Variants in RASSF5 observed in about 807,000 individuals in gnomAD.
RASSF5 encodes the protein ras association domain-containing protein 5.
Under a neutral mutation model 40.5 loss-of-function variants are expected in RASSF5, and 25 were observed. The observed-to-expected ratio is 0.62, with a 90% CI of 0.45 to 0.86. The LOEUF is 0.86. Ranked by LOEUF, RASSF5 falls within the 40% of genes least tolerant of loss-of-function variation. The pLI, the probability that RASSF5 is intolerant of heterozygous loss-of-function variation, is 0.00. For synonymous variants in RASSF5, 246 were observed against 252.4 expected (o/e 0.97, Z 0.24); for missense variants, 521 against 572.8 (o/e 0.91, Z 0.92).
rs1377298256 is a variant in RASSF5 at position 206,585,435 on chromosome 1, TG to T, written c.1104+143del. ...TGACTGTTGAGAGAGTGAGCAGGGG[TG>T]GGTGATGGGCCTGGGGGTCAGTGTT... On this transcript the variant is annotated intron_variant, in intron 5 of 5. Coordinates refer to ENST00000579436, the MANE Select transcript of RASSF5 (RefSeq NM_182663.4). 5 of 668,856 alleles carry T rather than the reference TG, an allele frequency of 7.5e-6. No individual in the cohort carries two copies. The Admixed American group carries it at 1.1e-4, about 15-fold the overall frequency. The allele number at this position is 668,856 out of a possible 1,614,324, so 41.4% of individuals were successfully genotyped here.
intron 1 of RASSF5, among the ~76,000 whole-genome samples, chr1:206,536,500 G>A (rs1343939638): frequency 2.0e-5 from 3 of 152,034 alleles, no homozygotes; most frequent in Non-Finnish European, 2.9e-5. Context: ...CAAGAAACAT[G>A]GTCCAGGTGC....
chr1:206,558,630 C>G (rs1668060913), intron 2 of RASSF5, among the ~76,000 whole-genome samples: 1 of 152,156 alleles, frequency 6.6e-6, no homozygotes, highest in African/African-American at 2.4e-5. Context: ...CTGAGGCCTC[C>G]TTTGTTAATA....
At chr1:206,551,346 G>A (rs1029562994) in intron 2 of RASSF5, among the ~76,000 whole-genome samples, 7 of 152,198 alleles carry the variant, frequency 4.6e-5, no homozygotes, top group Admixed American at 2.6e-4. Context: ...TCTGCCAAGA[G>A]AAGGAGCCAG....
intron 3 of RASSF5, 138 bp downstream of exon 3, chr1:206,583,517 G>T: frequency 1.5e-6 from 1 of 648,530 alleles, no homozygotes. Flanking sequence ...AGGCCTCCGG[G>T]GTCTGGAAGG....
At chr1:206,523,705 ATATATTATACAATATATT>A (rs1373429759) in intron 1 of RASSF5, among the ~76,000 whole-genome samples, 2 of 73,014 alleles carry the variant, frequency 2.7e-5, no homozygotes, top group Admixed American at 2.4e-4. Flanking sequence ...TAATATATTT[ATATATTATACAATATATT>A]TATATATTAT....
At chr1:206,523,763 T>C (rs1185751138) in intron 1 of RASSF5, among the ~76,000 whole-genome samples, 1 of 101,374 alleles carries the variant, frequency 9.9e-6, no homozygotes, top group Non-Finnish European at 1.8e-5. Context: ...ATATACATAA[T>C]ATATTTTATA....
chr1:206,521,003 A>C (rs1233741087), intron 1 of RASSF5, among the ~76,000 whole-genome samples: 1 of 152,178 alleles, frequency 6.6e-6, no homozygotes, highest in Non-Finnish European at 1.5e-5. Flanking sequence ...CCCAGGTAAA[A>C]GTAGAGGAGA....
chr1:206,517,369 C>T (rs1666777525), intron 1 of RASSF5, among the ~76,000 whole-genome samples: 1 of 151,964 alleles, frequency 6.6e-6, no homozygotes, highest in Non-Finnish European at 1.5e-5. Flanking sequence ...CAGCTACATG[C>T]TGGGGGGTGG....
chr1:206,585,332 GGCACCCTGGGTGGGT>G (rs782128324), intron 5 of RASSF5, 37 bp downstream of exon 5: 9 of 1,521,784 alleles, frequency 5.9e-6, no homozygotes, highest in South Asian at 1.1e-5. Context: ...CAGGCCTTAG[GGCACCCTGGGTGGGT>G]GCAGGTGGGT....
chr1:206,521,168 G>T (rs950243861), intron 1 of RASSF5, among the ~76,000 whole-genome samples: 1 of 152,170 alleles, frequency 6.6e-6, no homozygotes, highest in East Asian at 1.9e-4. Flanking sequence ...ATTTTAAAAG[G>T]CTGCTAGGGG....
At position 206,507,548 on chromosome 1, in the gene RASSF5, G is replaced by A. The variant is rs1164574522; in HGVS notation, c.-55G>A. 1.5e-6 allele frequency: 2 copies of A among 1,358,612 alleles called. No homozygotes were observed. Among genetic ancestry groups the A allele is most frequent in the Non-Finnish European group, 1.9e-6 (2 of 1,038,112 alleles). The allele number at this position is 1,358,612 out of a possible 1,614,324, so 84.2% of individuals were successfully genotyped here. On this transcript the variant is annotated 5_prime_UTR_variant, in exon 1 of 6. Coordinates refer to ENST00000579436, the MANE Select transcript of RASSF5 (RefSeq NM_182663.4). Reference sequence around the variant, plus strand: ...GGCCCCTTCTCTCGGGGCTGGCTCGGGAGTAGCGCAGTCGCCAAAGCCGCC... The same window carrying A: ...GGCCCCTTCTCTCGGGGCTGGCTCGAGAGTAGCGCAGTCGCCAAAGCCGCC...
At chr1:206,549,865 A>G (rs1667786515) in intron 2 of RASSF5, among the ~76,000 whole-genome samples, 1 of 152,092 alleles carries the variant, frequency 6.6e-6, no homozygotes, top group Non-Finnish European at 1.5e-5. Flanking sequence ...AGACACTGTT[A>G]CCTGTAATCC....
intron 2 of RASSF5, among the ~76,000 whole-genome samples, chr1:206,576,552 A>G (rs905365975): frequency 6.6e-6 from 1 of 152,238 alleles, no homozygotes; most frequent in Non-Finnish European, 1.5e-5. Flanking sequence ...CAGGAAACAT[A>G]GGAAGTATGA....
intron 3 of RASSF5, among the ~76,000 whole-genome samples, chr1:206,583,948 A>G (rs1303170361): frequency 6.6e-6 from 1 of 152,162 alleles, no homozygotes; most frequent in African/African-American, 2.4e-5. Flanking sequence ...TTTAAGTCTT[A>G]AAGGCTGTTT....
In RASSF5 at chr1:206,507,952, C is replaced by A; in HGVS notation, c.350C>A (p.Ala117Glu). 1 of 1,527,596 alleles carries A rather than the reference C, an allele frequency of 6.5e-7. No individual in the cohort carries two copies. The highest frequency in any genetic ancestry group is 8.7e-7 in the Non-Finnish European group (1 of 1,144,710). The allele number at this position is 1,527,596 out of a possible 1,614,324, so 94.6% of individuals were successfully genotyped here. The change falls in exon 1 of 6, where the codon GCG becomes GAG. Residue 117 changes from alanine to glutamate, a missense_variant. Ala to Glu is a moderately radical substitution (Grantham distance 107). Transcript: ENST00000579436. ...FEQPQDPRVP[A>E]ERGEGHCFAE... ...CAGCCGCAGGATCCCAGAGTCCCGG[C>A]GGAGCGAGGCGAGGGGCACTGCTTC...
intron 2 of RASSF5, among the ~76,000 whole-genome samples, chr1:206,565,588 A>G (rs781823445): frequency 5.3e-5 from 8 of 152,220 alleles, no homozygotes; most frequent in Non-Finnish European, 8.8e-5. Context: ...ACATTGTGTA[A>G]CAGACCCTAG....
At position 206,509,166 on chromosome 1, in the gene RASSF5, C is replaced by T. The variant is rs555802600; in HGVS notation, c.457+1107C>T. 2.0e-5 allele frequency among the ~76,000 whole-genome samples: 3 copies of T among 152,374 alleles called. No individual in the cohort carries two copies. In the South Asian group the frequency reaches 6.2e-4, roughly 32 times the overall value. On this transcript the variant is annotated intron_variant, in intron 1 of 5. Coordinates refer to ENST00000579436, the MANE Select transcript of RASSF5 (RefSeq NM_182663.4). ...TTCAGCAAAGGCCCTTCCCCTATGGCAGCAGCCTCACGTCTCCCATCCAAC... is the reference window on the plus strand; with the variant it reads ...TTCAGCAAAGGCCCTTCCCCTATGGTAGCAGCCTCACGTCTCCCATCCAAC...
chr1:206,511,876 C>G (rs782468675), intron 1 of RASSF5, among the ~76,000 whole-genome samples: 7 of 152,178 alleles, frequency 4.6e-5, no homozygotes, highest in Non-Finnish European at 1.0e-4. Flanking sequence ...ATCCTGCAGA[C>G]CCATCCCCCG....
intron 1 of RASSF5, among the ~76,000 whole-genome samples, chr1:206,533,529 G>A (rs1553398228): frequency 6.6e-6 from 1 of 152,158 alleles, no homozygotes; most frequent in Non-Finnish European, 1.5e-5. Context: ...ACTGAAGTGG[G>A]AGGATCACTT....
Sources: gnomAD v4.1 joint callset for allele counts (sites outside exome capture counted in the v4.1 genomes callset) on GRCh38, gnomAD v4.1.1 for gene constraint, MANE v1.5 for transcripts, NCBI Gene and HGNC (gene_info 2026-07-23, HGNC 2026-07-21) for gene names.